The following DLGAP2 variants were observed in gnomAD, a reference collection of about 807,000 sequenced individuals.
DLGAP2 encodes the protein DLG associated protein 2, also known as disks large-associated protein 2.
DLGAP2 carries 26 observed loss-of-function variants against 100.3 expected under a neutral mutation model. The ratio of observed to expected loss-of-function variants is 0.26; its 90% CI spans 0.19 to 0.36. DLGAP2 has a LOEUF of 0.36. Among genes scored for constraint, DLGAP2 ranks in the 10% least tolerant of loss-of-function variants. The pLI, the probability that DLGAP2 is intolerant of heterozygous loss-of-function variation, is 1.00. For synonymous variants in DLGAP2, 886 were observed against 630.1 expected (o/e 1.41, Z -6.08); for missense variants, 1,858 against 1,453.2 (o/e 1.28, Z -4.53).
chr8:1,265,160 G>C (rs1409554270), intron 3 of DLGAP2, among the ~76,000 whole-genome samples: 1 of 152,118 alleles, frequency 6.6e-6, no homozygotes, highest in East Asian at 1.9e-4. Flanking sequence ...CAAAGCCCTA[G>C]AAGTAATAGA....
At chr8:1,656,780 C>T (rs530466133) in intron 8 of DLGAP2, among the ~76,000 whole-genome samples, 1 of 152,184 alleles carries the variant, frequency 6.6e-6, no homozygotes, top group Non-Finnish European at 1.5e-5. Context: ...GTGTGATTAA[C>T]CTTTTCTTCG....
At chr8:830,302 A>G (rs534839275) in intron 1 of DLGAP2, among the ~76,000 whole-genome samples, 1 of 152,194 alleles carries the variant, frequency 6.6e-6, no homozygotes, top group African/African-American at 2.4e-5. Flanking sequence ...TTTGTTACAA[A>G]CAATCCAATT....
intron 4 of DLGAP2, among the ~76,000 whole-genome samples, chr8:1,522,325 G>A (rs1427908889): frequency 6.6e-6 from 1 of 152,194 alleles, no homozygotes; most frequent in Admixed American, 6.5e-5. Flanking sequence ...ATGCCTTGTG[G>A]TAGTTTTGCT....
At chr8:1,610,647 C>A (rs1160245248) in intron 6 of DLGAP2, among the ~76,000 whole-genome samples, 2 of 126,900 alleles carry the variant, frequency 1.6e-5, no homozygotes, top group Non-Finnish European at 3.2e-5. Flanking sequence ...GCTAGCAAGA[C>A]TAATAAAGAA....
At chr8:1,257,722 G>A (rs1346488442) in intron 2 of DLGAP2, among the ~76,000 whole-genome samples, 1 of 151,926 alleles carries the variant, frequency 6.6e-6, no homozygotes, top group Non-Finnish European at 1.5e-5. Flanking sequence ...GTGTCCTCCC[G>A]AGGGCCCGTG....
At chr8:1,333,456 G>A (rs1208233233) in intron 3 of DLGAP2, among the ~76,000 whole-genome samples, 4 of 152,098 alleles carry the variant, frequency 2.6e-5, no homozygotes, top group Non-Finnish European at 2.9e-5. Context: ...TTCCCATCCC[G>A]TCATCAGATT....
At chr8:1,520,557 G>A (rs1416037339) in intron 4 of DLGAP2, among the ~76,000 whole-genome samples, 1 of 152,092 alleles carries the variant, frequency 6.6e-6, no homozygotes, top group Non-Finnish European at 1.5e-5. Flanking sequence ...CAGTTTCCTT[G>A]CCCTAAAAAT....
At chr8:1,553,001 TGGCTTAGCTCA>T (rs1216132689) in intron 5 of DLGAP2, among the ~76,000 whole-genome samples, 2 of 152,196 alleles carry the variant, frequency 1.3e-5, no homozygotes, top group Admixed American at 1.3e-4. Context: ...GGATTCGCCG[TGGCTTAGCTCA>T]GGATGCCAAA....
intron 1 of DLGAP2, among the ~76,000 whole-genome samples, chr8:795,955 G>C (rs1324472208): frequency 5.8e-5 from 8 of 137,030 alleles, no homozygotes; most frequent in East Asian, 2.3e-4. Flanking sequence ...GTGAGAGCAG[G>C]CGTCCAGTGA....
chr8:1,595,402 G>A (rs1336840476), intron 6 of DLGAP2, among the ~76,000 whole-genome samples: 8 of 152,052 alleles, frequency 5.3e-5, no homozygotes, highest in Admixed American at 3.9e-4. Context: ...GGTGGCTCAC[G>A]CCTGTAATCC....
intron 3 of DLGAP2, among the ~76,000 whole-genome samples, chr8:1,347,286 G>T (rs978662664): frequency 6.6e-6 from 1 of 150,632 alleles, no homozygotes; most frequent in South Asian, 2.1e-4. Flanking sequence ...CTGCACTCAC[G>T]GTAGCTGTGT....
chr8:1,477,765 A>T (rs1208970221), intron 3 of DLGAP2, among the ~76,000 whole-genome samples: 1 of 151,402 alleles, frequency 6.6e-6, no homozygotes, highest in African/African-American at 2.4e-5. Context: ...AAGAAACCAG[A>T]TTATGTGGCC....
chr8:789,444 C>G (rs1821966597), intron 1 of DLGAP2, among the ~76,000 whole-genome samples: 1 of 152,184 alleles, frequency 6.6e-6, no homozygotes, highest in South Asian at 2.1e-4. Flanking sequence ...AAGGGGAAAT[C>G]CACCCCTGTG....
chr8:842,494 A>G (rs1465269401), intron 1 of DLGAP2, among the ~76,000 whole-genome samples: 1 of 152,048 alleles, frequency 6.6e-6, no homozygotes, highest in Non-Finnish European at 1.5e-5. Context: ...TACTCTCTTT[A>G]TTGCTCAGTA....
chr8:1,116,385 A>G (rs1332974385), intron 2 of DLGAP2, among the ~76,000 whole-genome samples: 1 of 152,176 alleles, frequency 6.6e-6, no homozygotes, highest in African/African-American at 2.4e-5. Context: ...CTGGGTTTGG[A>G]TTTAAATTCT....
At chr8:1,502,493 C>T (rs1584959960) in intron 4 of DLGAP2, among the ~76,000 whole-genome samples, 1 of 152,178 alleles carries the variant, frequency 6.6e-6, no homozygotes, top group African/African-American at 2.4e-5. Flanking sequence ...AAAGGATGAC[C>T]GTCCATTATC....
intron 2 of DLGAP2, among the ~76,000 whole-genome samples, chr8:1,121,757 T>G (rs989940863): frequency 2.1e-5 from 2 of 97,314 alleles, no homozygotes; most frequent in African/African-American, 3.0e-5. Flanking sequence ...TCATCTTTCC[T>G]GAACCCATGA....
At chr8:846,423 C>CT (rs1324773792) in intron 1 of DLGAP2, among the ~76,000 whole-genome samples, 1 of 152,238 alleles carries the variant, frequency 6.6e-6, no homozygotes, top group Non-Finnish European at 1.5e-5. Flanking sequence ...CTTCACTTAA[C>CT]ATATGTCCTT....
At chr8:795,635 TCCAGTGAGAGCAGGC>T (rs1796010413) in intron 1 of DLGAP2, among the ~76,000 whole-genome samples, 4 of 132,864 alleles carry the variant, frequency 3.0e-5, no homozygotes, top group East Asian at 2.2e-4. Context: ...AGAGCAGGCG[TCCAGTGAGAGCAGGC>T]GTCCAGTGAG....
Sources: allele counts gnomAD v4.1 joint callset (sites outside exome capture counted in the v4.1 genomes callset), GRCh38; gene constraint gnomAD v4.1.1; transcripts MANE v1.5; gene names NCBI Gene and HGNC (gene_info 2026-07-23, HGNC 2026-07-21).